GABRB2: variants seen among roughly 807,000 people sequenced by gnomAD.
GABRB2 encodes gamma-aminobutyric acid type A receptor subunit beta2, also known as gamma-aminobutyric acid receptor subunit beta-2.
A neutral mutation model predicts 54.7 loss-of-function variants in GABRB2; 16 were observed. The observed-to-expected ratio is 0.29, with a 90% CI of 0.20 to 0.44. The LOEUF (loss-of-function observed/expected upper bound fraction) is 0.44, where lower values mean the gene tolerates loss of function less well. GABRB2 is among the 20% of genes least tolerant of loss of function. GABRB2 has a pLI of 1.00. For missense variants in GABRB2, 355 were observed against 644.0 expected (o/e 0.55, Z 4.86); for synonymous variants, 244 against 233.8 (o/e 1.04, Z -0.40).
At chr5:161,355,054 T>C (rs1290600035) in intron 5 of GABRB2, among the ~76,000 whole-genome samples, 4 of 151,908 alleles carry the variant, frequency 2.6e-5, no homozygotes, top group African/African-American at 9.7e-5. Context: ...AGGCTTTAGT[T>C]TCAATGAACT....
chr5:161,309,709 C>A (rs906744590), intron 9 of GABRB2, among the ~76,000 whole-genome samples: 1 of 151,628 alleles, frequency 6.6e-6, no homozygotes. Flanking sequence ...CGGCTCACTG[C>A]AAGCTCCGCC....
At chr5:161,472,598 G>A (rs1304468395) in intron 3 of GABRB2, among the ~76,000 whole-genome samples, 2 of 151,928 alleles carry the variant, frequency 1.3e-5, no homozygotes, top group Non-Finnish European at 2.9e-5. Flanking sequence ...AGGTATACAC[G>A]TGCTCCTAAA....
intron 5 of GABRB2, among the ~76,000 whole-genome samples, chr5:161,351,022 TCTC>T (rs1445953095): frequency 2.0e-5 from 3 of 152,172 alleles, no homozygotes; most frequent in African/African-American, 7.2e-5. Context: ...GTGAGTCAAT[TCTC>T]CTAATAAAGT....
intron 4 of GABRB2, among the ~76,000 whole-genome samples, chr5:161,437,604 C>T (rs1432534437): frequency 6.6e-6 from 1 of 152,084 alleles, no homozygotes; most frequent in Non-Finnish European, 1.5e-5. Flanking sequence ...TTGGGGTCCC[C>T]TATTCCAGGA....
chr5:161,330,350 GAA>G (rs1753801575), intron 8 of GABRB2: 1 of 152,204 alleles, frequency 6.6e-6, no homozygotes, highest in Non-Finnish European at 1.5e-5. Flanking sequence ...TCGCTTCAAA[GAA>G]AAAGTCTCAG....
At chr5:161,402,698 T>C (rs1323640718) in intron 5 of GABRB2, among the ~76,000 whole-genome samples, 1 of 152,162 alleles carries the variant, frequency 6.6e-6, no homozygotes, top group East Asian at 1.9e-4. Context: ...ACCAGCAGTA[T>C]CTGTATGGCC....
chr5:161,543,619 C>G (rs901429063), intron 3 of GABRB2, among the ~76,000 whole-genome samples: 2 of 152,128 alleles, frequency 1.3e-5, no homozygotes, highest in Admixed American at 6.5e-5. Context: ...CACCTGATTT[C>G]TATATTACTT....
intron 3 of GABRB2, among the ~76,000 whole-genome samples, chr5:161,511,615 G>T (rs1759770374): frequency 6.6e-6 from 1 of 151,972 alleles, no homozygotes; most frequent in African/African-American, 2.4e-5. Flanking sequence ...CTACAAACTA[G>T]GTGACTTAGG....
intron 4 of GABRB2, among the ~76,000 whole-genome samples, chr5:161,415,555 T>C (rs1314122155): frequency 6.6e-6 from 1 of 152,228 alleles, no homozygotes; most frequent in Admixed American, 6.5e-5. Context: ...TATAGTGTCA[T>C]TACCTGAGAT....
intron 5 of GABRB2, among the ~76,000 whole-genome samples, chr5:161,344,234 G>T (rs2113421852): frequency 6.6e-6 from 1 of 152,162 alleles, no homozygotes; most frequent in East Asian, 1.9e-4. Context: ...AGGAAACATT[G>T]CTGATGCTGT....
At chr5:161,335,892 C>T (rs903736163) in intron 6 of GABRB2, among the ~76,000 whole-genome samples, 4 of 152,014 alleles carry the variant, frequency 2.6e-5, no homozygotes, top group Admixed American at 2.6e-4. Flanking sequence ...AGCAGAAGGG[C>T]CATTACAGTA....
At chr5:161,342,415 C>T (rs148191397) in intron 5 of GABRB2, among the ~76,000 whole-genome samples, 1 of 151,970 alleles carries the variant, frequency 6.6e-6, no homozygotes, top group Non-Finnish European at 1.5e-5. Context: ...CTGAGAAACA[C>T]TAATCTGTAA....
chr5:161,469,473 A>G (rs964291799), intron 3 of GABRB2, among the ~76,000 whole-genome samples: 2 of 151,544 alleles, frequency 1.3e-5, no homozygotes, highest in Non-Finnish European at 2.9e-5. Context: ...GCCATCATTG[A>G]TCAGTGAAAT....
chr5:161,412,198 T>C (rs753237898), intron 4 of GABRB2, among the ~76,000 whole-genome samples: 9 of 152,196 alleles, frequency 5.9e-5, no homozygotes, highest in Non-Finnish European at 1.3e-4. Flanking sequence ...ATGGAATTCC[T>C]GAGTCAGGTG....
In GABRB2 at chr5:161,373,052, C is replaced by G. The variant is rs563713032; in HGVS notation, c.542-36283G>C. Among the ~76,000 whole-genome samples the G allele has an allele frequency of 7.9e-5, 12 of 152,248 alleles. 1 individual carries two copies. Among genetic ancestry groups the G allele is most frequent in the East Asian group, 7.7e-4 (4 of 5,184 alleles). ...CAAGTATTCCAAAGCAACACACTTG[C>G]TATTGTATATATTGATGCTTATTTT... On this transcript the variant is annotated intron_variant, in intron 5 of 9. Coordinates refer to ENST00000393959, the MANE Select transcript of GABRB2 (RefSeq NM_001371727.1).
intron 4 of GABRB2, among the ~76,000 whole-genome samples, chr5:161,443,111 T>G (rs957730533): frequency 1.3e-5 from 2 of 152,062 alleles, no homozygotes; most frequent in African/African-American, 4.8e-5. Context: ...CACCCTCCCC[T>G]CCCTGCTTCC....
chr5:161,446,566 C>G (rs1757619959), intron 4 of GABRB2, among the ~76,000 whole-genome samples: 2 of 152,130 alleles, frequency 1.3e-5, no homozygotes, highest in South Asian at 4.1e-4. Context: ...TGGAGTCAGG[C>G]AGACTTGGAA....
chr5:161,437,806 C>A (rs1175263264), intron 4 of GABRB2, among the ~76,000 whole-genome samples: 1 of 152,118 alleles, frequency 6.6e-6, no homozygotes, highest in Non-Finnish European at 1.5e-5. Context: ...GTGAGGCTAT[C>A]CTGCCATTGG....
chr5:161,426,869 A>G (rs2113161815), intron 4 of GABRB2, among the ~76,000 whole-genome samples: 1 of 152,298 alleles, frequency 6.6e-6, no homozygotes, highest in South Asian at 2.1e-4. Flanking sequence ...AAAATTGATA[A>G]CAGGAGCTAT....
Sources: gnomAD v4.1 joint callset for allele counts (sites outside exome capture counted in the v4.1 genomes callset) on GRCh38, gnomAD v4.1.1 for gene constraint, MANE v1.5 for transcripts, NCBI Gene and HGNC (gene_info 2026-07-23, HGNC 2026-07-21) for gene names.